The following THSD4 variants were observed in gnomAD, a reference collection of about 807,000 sequenced individuals.
THSD4 encodes thrombospondin type-1 domain-containing protein 4.
Under a neutral mutation model 119.0 loss-of-function variants are expected in THSD4, and 69 were observed. That is an observed-to-expected ratio of 0.58 (90% CI 0.48 to 0.71). The LOEUF (loss-of-function observed/expected upper bound fraction) is 0.71, where lower values mean the gene tolerates loss of function less well. THSD4 is among the 30% of genes least tolerant of loss of function. THSD4 has a pLI of 0.00. For synonymous variants in THSD4, 524 were observed against 540.4 expected, an observed-to-expected ratio of 0.97 and a Z score of 0.42; for missense variants, 1,393 against 1,391.1, an observed-to-expected ratio of 1.00 and a Z score of -0.02.
At chr15:71,347,354 A>AT (rs2140399889) in intron 6 of THSD4, among the ~76,000 whole-genome samples, 1 of 152,016 alleles carries the variant, frequency 6.6e-6, no homozygotes, top group African/African-American at 2.4e-5. Context: ...ACCCTCCCTC[A>AT]TATGTGGATG....
At position 71,439,851 on chromosome 15, in the gene THSD4, T is replaced by TG. The variant is rs577834892; in HGVS notation, c.1152+28032dup. Among the ~76,000 whole-genome samples the TG allele has an allele frequency of 1.8e-4, 28 of 152,088 alleles. No individual in the cohort carries two copies. In the South Asian group the frequency reaches 5.8e-3, roughly 32 times the overall value. Reference sequence around the variant, plus strand: ...ACACAGGAAGGGGAACATCACATACTGGGGCCTGTTGGTGGGTGTGGGGGG... The same window carrying TG: ...ACACAGGAAGGGGAACATCACATACTGGGGGCCTGTTGGTGGGTGTGGGGGG... On this transcript the variant is annotated intron_variant, in intron 7 of 17. Coordinates refer to ENST00000261862, the MANE Select transcript of THSD4 (RefSeq NM_024817.3).
At chr15:71,197,107 G>T (rs919243334) in intron 3 of THSD4, among the ~76,000 whole-genome samples, 1 of 152,176 alleles carries the variant, frequency 6.6e-6, no homozygotes, top group East Asian at 1.9e-4. Context: ...GGGTCGCAAC[G>T]TGCCCTTCAG....
At chr15:71,762,051 T>C (rs1391493127) in intron 15 of THSD4, among the ~76,000 whole-genome samples, 1 of 152,204 alleles carries the variant, frequency 6.6e-6, no homozygotes, top group Non-Finnish European at 1.5e-5. Flanking sequence ...CAATTTGATC[T>C]CATCTGTCTT....
At chr15:71,661,274 T>A (rs978744832) in intron 8 of THSD4, among the ~76,000 whole-genome samples, 2 of 152,248 alleles carry the variant, frequency 1.3e-5, no homozygotes, top group Non-Finnish European at 2.9e-5. Flanking sequence ...TCATCAATAC[T>A]GAGAGGCCAA....
intron 8 of THSD4, among the ~76,000 whole-genome samples, chr15:71,691,426 A>T (rs886316820): frequency 6.6e-6 from 1 of 152,246 alleles, no homozygotes; most frequent in Non-Finnish European, 1.5e-5. Context: ...GCTGGAGACC[A>T]TGCCTGTTCA....
intron 7 of THSD4, among the ~76,000 whole-genome samples, chr15:71,483,945 C>T (rs553563881): frequency 6.6e-6 from 1 of 152,082 alleles, no homozygotes; most frequent in Non-Finnish European, 1.5e-5. Context: ...TTTTATGTAG[C>T]CTTGATTCTT....
At chr15:71,286,647 C>T (rs1164950338) in intron 6 of THSD4, among the ~76,000 whole-genome samples, 1 of 152,194 alleles carries the variant, frequency 6.6e-6, no homozygotes, top group Non-Finnish European at 1.5e-5. Flanking sequence ...GAACGATTTA[C>T]ATTCCTTTGG....
chr15:71,368,281 T>C (rs932411522), intron 6 of THSD4, among the ~76,000 whole-genome samples: 3 of 152,256 alleles, frequency 2.0e-5, no homozygotes, highest in South Asian at 2.1e-4. Context: ...AGAAGCTCTT[T>C]AGTTGAATTA....
chr15:71,764,305 T>C (rs1464018547), intron 15 of THSD4, among the ~76,000 whole-genome samples: 2 of 152,226 alleles, frequency 1.3e-5, no homozygotes, highest in Admixed American at 6.5e-5. Context: ...TGCAAAGTAA[T>C]AGATACTAAA....
At chr15:71,450,851 G>GCCT (rs1414532292) in intron 7 of THSD4, among the ~76,000 whole-genome samples, 1 of 152,194 alleles carries the variant, frequency 6.6e-6, no homozygotes, top group Non-Finnish European at 1.5e-5. Flanking sequence ...GATGACTGAA[G>GCCT]CCTATATTGC....
At chr15:71,341,104 C>G (rs984107384) in intron 6 of THSD4, 3 of 1,216,102 alleles carry the variant, frequency 2.5e-6, no homozygotes, top group African/African-American at 1.5e-5. Flanking sequence ...CTTCTGTCTT[C>G]CCTCTCTCTC....
At position 71,242,748 on chromosome 15, in the gene THSD4, G is replaced by C; in HGVS notation, c.564G>C (p.Arg188Ser). 3.1e-6 allele frequency: 5 copies of C among 1,614,160 alleles called. No individual in the cohort carries two copies. The highest frequency in any genetic ancestry group is 2.5e-6 in the Non-Finnish European group (3 of 1,180,024). The stretch of plus-strand genomic sequence containing the variant: ...CAGACACTGCACACACGCCACAGAG[G>C]CTCCGGAGACAGAAGCTCTCATCCC... ...LQTDTAHTPQ[R>S]LRRQKLSSRH... Residue 188 changes from arginine to serine, a missense_variant, in exon 5 of 18, where the codon AGG (arginine) becomes AGC (serine). By Grantham distance (110) the Arg-to-Ser change is moderately radical. Coordinates refer to ENST00000261862, the MANE Select transcript of THSD4 (RefSeq NM_024817.3).
intron 6 of THSD4, among the ~76,000 whole-genome samples, chr15:71,318,611 A>G (rs1018635035): frequency 2.6e-5 from 4 of 152,164 alleles, no homozygotes; most frequent in African/African-American, 9.7e-5. Context: ...ATTCAGACCA[A>G]CACAAACCAG....
At chr15:71,572,703 G>A (rs374778193) in intron 7 of THSD4, among the ~76,000 whole-genome samples, 1 of 152,136 alleles carries the variant, frequency 6.6e-6, no homozygotes, top group African/African-American at 2.4e-5. Flanking sequence ...TTAGGATTCT[G>A]TGTGTTTTAT....
At chr15:71,208,946 T>C (rs900736764) in intron 3 of THSD4, among the ~76,000 whole-genome samples, 2 of 152,170 alleles carry the variant, frequency 1.3e-5, no homozygotes, top group Admixed American at 1.3e-4. Context: ...CCAAAATACA[T>C]GGCCCCCTTA....
chr15:71,394,650 TC>T (rs1246099829), intron 6 of THSD4, among the ~76,000 whole-genome samples: 1 of 152,152 alleles, frequency 6.6e-6, no homozygotes, highest in African/African-American at 2.4e-5. Flanking sequence ...TCCTCCCTAC[TC>T]CTCCTTCACA....
intron 7 of THSD4, among the ~76,000 whole-genome samples, chr15:71,615,738 C>T (rs1240084306): frequency 1.3e-5 from 2 of 152,128 alleles, no homozygotes; most frequent in African/African-American, 4.8e-5. Flanking sequence ...AGGGTGTAAA[C>T]AACAGCGAAA....
At chr15:71,243,538 G>A (rs2044172851) in intron 5 of THSD4, among the ~76,000 whole-genome samples, 2 of 152,108 alleles carry the variant, frequency 1.3e-5, no homozygotes, top group Admixed American at 1.3e-4. Flanking sequence ...CTTCTCTTAG[G>A]GGAAGAGCTG....
intron 7 of THSD4, among the ~76,000 whole-genome samples, chr15:71,618,945 A>T (rs1259237716): frequency 6.6e-6 from 1 of 151,140 alleles, no homozygotes; most frequent in Admixed American, 6.6e-5. Flanking sequence ...AGTAACAAAA[A>T]CTTAATTTGG....
Sources: gnomAD v4.1 joint callset for allele counts (sites outside exome capture counted in the v4.1 genomes callset) on GRCh38, gnomAD v4.1.1 for gene constraint, MANE v1.5 for transcripts, NCBI Gene and HGNC (gene_info 2026-07-23, HGNC 2026-07-21) for gene names.